SETX: variants seen among roughly 807,000 people sequenced by gnomAD.
SETX encodes helicase senataxin.
In SETX, 90 loss-of-function variants were observed where a neutral mutation model predicts 227.2. The ratio of observed to expected loss-of-function variants is 0.40; its 90% CI spans 0.33 to 0.47. The LOEUF (loss-of-function observed/expected upper bound fraction) is 0.47. Ranked by LOEUF, SETX falls within the 20% of genes least tolerant of loss-of-function variation. The pLI is 0.91. For missense variants in SETX, 3,052 were observed against 3,181.5 expected (o/e 0.96, Z 0.98); for synonymous variants, 1,210 against 1,113.2 (o/e 1.09, Z -1.73).
chr9:132,334,506 C>G, intron 7 of SETX, 102 bp downstream of exon 7: 1 of 1,357,606 alleles, frequency 7.4e-7, no homozygotes, highest in East Asian at 2.3e-5. Flanking sequence ...CAGAAAAATT[C>G]TTTTCTCCAC....
chr9:132,321,430 G>A (rs1846320821), intron 10 of SETX, among the ~76,000 whole-genome samples: 1 of 152,086 alleles, frequency 6.6e-6, no homozygotes, highest in South Asian at 2.1e-4. Flanking sequence ...GCCGAGGTGG[G>A]TGGATCAAGA....
At position 132,325,900 on chromosome 9, in the gene SETX, T is replaced by G. The variant is rs547720223; in HGVS notation, c.5274+424A>C. Among the ~76,000 whole-genome samples, 7 of 133,556 alleles carry G rather than the reference T, an allele frequency of 5.2e-5. No individual in the cohort carries two copies. In the South Asian group the frequency reaches 1.5e-3, roughly 28 times the overall value. The allele number at this position is 133,556 out of a possible 152,430, so 87.6% of individuals were successfully genotyped here. A position where few individuals can be genotyped will look rare whatever the true frequency, so the allele number is the denominator to read the frequency against. On this transcript the variant is annotated intron_variant, in intron 10 of 25. Transcript: ENST00000224140. ...GTGAGCAAAGATCGCACCATTGCAC[T>G]CCAGCCTGGGCAGCAAGAGCAAAAC...
intron 9 of SETX, 33 bp downstream of exon 9, chr9:132,331,019 A>C (rs1006744615): frequency 1.7e-5 from 25 of 1,489,850 alleles, no homozygotes; most frequent in Non-Finnish European, 2.1e-5. Flanking sequence ...AAAGGCAATA[A>C]AATAGCATCT....
chr9:132,344,613 AC>A (rs1436751674), intron 4 of SETX, among the ~76,000 whole-genome samples: 1 of 152,142 alleles, frequency 6.6e-6, no homozygotes, highest in Non-Finnish European at 1.5e-5. Context: ...GCTGGCTTAC[AC>A]CTGTAATCTC....
Position 132,314,700 on chromosome 9 carries a change from T to C in SETX, c.5275-2844A>G, listed in dbSNP as rs562641078. 1.4e-3 allele frequency among the ~76,000 whole-genome samples: 217 copies of C among 152,264 alleles called. 1 individual carries two copies. The highest frequency in any genetic ancestry group is 4.8e-3 in the African/African-American group (199 of 41,566). ...TCTCTTTTTTCCCAGTAACTAAGAATAGATTATTCTACAAAACTGGAGGTT... is the reference window on the plus strand; with the variant it reads ...TCTCTTTTTTCCCAGTAACTAAGAACAGATTATTCTACAAAACTGGAGGTT... On this transcript the variant is annotated intron_variant, in intron 10 of 25. Coordinates refer to ENST00000224140, the MANE Select transcript of SETX (RefSeq NM_015046.7).
At chr9:132,299,636 T>G (rs1219255739) in intron 12 of SETX, among the ~76,000 whole-genome samples, 5 of 152,314 alleles carry the variant, frequency 3.3e-5, no homozygotes, top group African/African-American at 9.6e-5. Context: ...CTAAAAAAGT[T>G]GCAATTGCCA....
intron 1 of SETX, among the ~76,000 whole-genome samples, chr9:132,354,569 G>T (rs1002591366): frequency 9.9e-5 from 15 of 151,766 alleles, no homozygotes; most frequent in Non-Finnish European, 1.5e-4. Context: ...CGAGCGTGTG[G>T]AGGGAACCGA....
rs185968572 is a variant in SETX at position 132,348,490 on chromosome 9, T to C, written c.177+762A>G. Among the ~76,000 whole-genome samples, 461 of 152,292 alleles carry C rather than the reference T, an allele frequency of 3.0e-3. 7 individuals carry two copies. The highest frequency in any genetic ancestry group is 0.027 in the Admixed American group (418 of 15,292). ...GAAACAAATCCCCTCCCAATGACTTTATTTCATTAAATTATTTTATACCAA... is the reference window on the plus strand; with the variant it reads ...GAAACAAATCCCCTCCCAATGACTTCATTTCATTAAATTATTTTATACCAA... On this transcript the variant is annotated intron_variant, in intron 3 of 25. Coordinates refer to ENST00000224140, the MANE Select transcript of SETX (RefSeq NM_015046.7).
Position 132,334,675 on chromosome 9 carries a change from C to A in SETX, c.771G>T (p.Leu257Phe), listed in dbSNP as rs1847479109. 11 of 1,613,990 alleles carry A rather than the reference C, an allele frequency of 6.8e-6. No homozygotes were observed. The highest frequency in any genetic ancestry group is 9.3e-6 in the Non-Finnish European group (11 of 1,179,982). The change falls in exon 7 of 26, where the codon TTG (leucine) becomes TTT (phenylalanine). Residue 257 changes from leucine to phenylalanine, a missense_variant. By Grantham distance (22) the Leu-to-Phe change is conservative (BLOSUM62 0). Coordinates refer to ENST00000224140, the MANE Select transcript of SETX (RefSeq NM_015046.7). ...AATCATTTTGTTTGTCTGAGCCCAA[C>A]AACAGGGAATCCATGGCTTGTTCCT... The part of the protein sequence containing the change: ...ILEEQAMDSL[L>F]LGSDKQNDFM...
At position 132,349,733 on chromosome 9, in the gene SETX, T is replaced by C. The variant is rs56204293; in HGVS notation, c.-7-298A>G. On this transcript the variant is annotated intron_variant, in intron 2 of 25. Coordinates refer to ENST00000224140, the MANE Select transcript of SETX (RefSeq NM_015046.7). ...AACAACACAGTACCGATAGAAAATATATAGAGACCCAGACTTACCAATATT... is the reference window on the plus strand; with the variant it reads ...AACAACACAGTACCGATAGAAAATACATAGAGACCCAGACTTACCAATATT... Among the ~76,000 whole-genome samples the C allele has an allele frequency of 0.019, 2,870 of 152,272 alleles. 32 individuals are homozygous for C. The highest frequency in any genetic ancestry group is 0.039 in the South Asian group (190 of 4,824).
chr9:132,344,906 T>C (rs1017264608), intron 4 of SETX, among the ~76,000 whole-genome samples: 4 of 150,268 alleles, frequency 2.7e-5, no homozygotes, highest in South Asian at 2.1e-4. Flanking sequence ...TTAGATTTGA[T>C]AGGTTAGGGA....
chr9:132,268,320 G>A (rs1437027392), intron 25 of SETX, among the ~76,000 whole-genome samples: 1 of 152,134 alleles, frequency 6.6e-6, no homozygotes, highest in Non-Finnish European at 1.5e-5. Flanking sequence ...AGACCAGCCT[G>A]GACAACATGG....
intron 3 of SETX, among the ~76,000 whole-genome samples, chr9:132,348,372 ACAAAAC>A (rs1267708616): frequency 1.1e-4 from 7 of 66,212 alleles, no homozygotes; most frequent in Admixed American, 5.4e-4. Context: ...CAAAAAAAAA[ACAAAAC>A]AAAAAAAAAA....
chr9:132,337,197 G>A (rs547659004), intron 5 of SETX, among the ~76,000 whole-genome samples: 2 of 152,026 alleles, frequency 1.3e-5, no homozygotes, highest in Non-Finnish European at 2.9e-5. Context: ...AAAGGGGAGT[G>A]GAATGTTGAC....
rs960955840 is a variant in SETX, at chr9:132,327,191, A to T, written c.4407T>A (p.Asp1469Glu). The T allele has an allele frequency of 6.2e-7, 1 of 1,614,010 alleles. No homozygotes were observed. Among genetic ancestry groups the T allele is most frequent in the African/African-American group, 1.3e-5 (1 of 74,890 alleles). Residue 1469 changes from aspartate (D) to glutamate (E), a missense_variant, in exon 10 of 26, where the codon GAT becomes GAA. Asp to Glu is a conservative substitution (Grantham distance 45). Coordinates refer to ENST00000224140, the MANE Select transcript of SETX (RefSeq NM_015046.7). The stretch of plus-strand genomic sequence containing the variant: ...CCATCTCTATATGACGTGCTGTTGG[A>T]TCACCTCCACCCAGAGGGTCTTCTG... The part of the protein sequence containing the change: ...STSEDPLGGG[D>E]PTARHIEMAA...
intron 4 of SETX, among the ~76,000 whole-genome samples, chr9:132,344,785 G>A (rs575911825): frequency 2.0e-5 from 3 of 151,370 alleles, no homozygotes; most frequent in Admixed American, 2.0e-4. Context: ...TGAGGCAGGA[G>A]AATCGCTTGA....
chr9:132,354,435 G>A (rs377537772), intron 1 of SETX, among the ~76,000 whole-genome samples: 63 of 149,160 alleles, frequency 4.2e-4, no homozygotes, highest in African/African-American at 1.5e-3. Context: ...AGACGAGGTT[G>A]CTGCGAGCCG....
intron 10 of SETX, among the ~76,000 whole-genome samples, chr9:132,321,436 C>G (rs974505056): frequency 1.5e-4 from 23 of 152,176 alleles, no homozygotes; most frequent in African/African-American, 5.5e-4. Context: ...GTGGGTGGAT[C>G]AAGATGTCAG....
intron 11 of SETX, among the ~76,000 whole-genome samples, chr9:132,305,129 C>A (rs1011938216): frequency 1.3e-5 from 2 of 151,792 alleles, no homozygotes; most frequent in South Asian, 2.1e-4. Flanking sequence ...CCGAGGCGGG[C>A]GGATCACGAG....
Sources: allele counts gnomAD v4.1 joint callset (sites outside exome capture counted in the v4.1 genomes callset), GRCh38; gene constraint gnomAD v4.1.1; transcripts MANE v1.5; gene names NCBI Gene and HGNC (gene_info 2026-07-23, HGNC 2026-07-21).